The following IGFALS variants were observed in gnomAD, a reference collection of about 807,000 sequenced individuals.
IGFALS encodes insulin-like growth factor-binding protein complex acid labile subunit.
IGFALS carries 2 observed loss-of-function variants against 2.6 expected under a neutral mutation model. The observed-to-expected ratio is 0.77, with a 90% CI of 0.32 to 2.44. IGFALS has a LOEUF of 2.44. Ranked by LOEUF, IGFALS falls within the 30% of genes most tolerant of loss-of-function variation. IGFALS has a pLI of 0.11. For synonymous variants in IGFALS, 519 were observed against 431.9 expected, an observed-to-expected ratio of 1.20 and a Z score of -2.50; for missense variants, 996 against 848.7, an observed-to-expected ratio of 1.17 and a Z score of -2.16.
In IGFALS at chr16:1,790,421, G is replaced by A. The variant is rs555946051; in HGVS notation, c.*179C>T. On this transcript the variant is annotated 3_prime_UTR_variant, in exon 2 of 2. Transcript: ENST00000215539. ...GTCACCCACTGTGCCTGTTAGATTC[G>A]ATTGCCTTTGCCTTTAATTGATGAC... The A allele has an allele frequency of 4.8e-5, 32 of 666,458 alleles. No individual in the cohort carries two copies. Among genetic ancestry groups the A allele is most frequent in the African/African-American group, 4.6e-4 (26 of 56,392 alleles). 41.3% of individuals were successfully genotyped at this position (666,458 alleles called of 1,614,324 possible). A position where few individuals can be genotyped will look rare whatever the true frequency, so the allele number is the denominator to read the frequency against.
chr16:1,791,809 G>A lies in IGFALS; in HGVS notation c.609C>T (p.Gly203=), dbSNP rs1035342433. The A allele has an allele frequency of 3.9e-6, 6 of 1,548,908 alleles. No homozygotes were observed. The highest frequency in any genetic ancestry group is 2.4e-5 in the East Asian group (1 of 41,162). ...CGGGCTGCAGGTAGGCCAGCCTGTT[G>A]CCCGCCAGCACCAGCTCGCGCAGGC... ...LGSLRELVLA[G]NRLAYLQPAL... Residue 203 remains glycine (G), a synonymous_variant, in exon 2 of 2, where the codon GGC becomes GGT. Transcript: ENST00000215539.
At position 1,791,557 on chromosome 16, in the gene IGFALS, G is replaced by A. The variant is rs750405773; in HGVS notation, c.861C>T (p.Pro287=). ...GCAGCACACGCAGGCCCAGCAGACC[G>A]GGGAACGTGTCCTCCAGGAGGCCAG... is the stretch of plus-strand genomic sequence containing the variant. ...RVAGLLEDTF[P]GLLGLRVLRL... The change falls in exon 2 of 2, where the codon CCC becomes CCT. Residue 287 remains proline, a synonymous_variant. Coordinates refer to ENST00000215539, the MANE Select transcript of IGFALS (RefSeq NM_004970.3). 86 of 1,570,854 alleles carry A rather than the reference G, an allele frequency of 5.5e-5. 3 individuals carry two copies. The South Asian group carries it at 5.7e-4, about 10-fold the overall frequency.
upstream of IGFALS, chr16:1,794,794 CCA>C (rs753411042): frequency 3.2e-4 from 227 of 699,292 alleles, 3 homozygotes; most frequent in South Asian, 3.0e-3. Context: ...CTCGGGGAGA[CCA>C]CAGTTTTCCA....
Position 1,790,743 on chromosome 16 carries a change from G to A in IGFALS, c.1675C>T (p.Pro559Ser), listed in dbSNP as rs1220455477. 2 of 1,604,000 alleles carry A rather than the reference G, an allele frequency of 1.2e-6. No homozygotes were observed. Among genetic ancestry groups the A allele is most frequent in the South Asian group, 1.1e-5 (1 of 89,408 alleles). Residue 559 changes from proline (P) to serine (S), a missense_variant, in exon 2 of 2, where the codon CCC (proline) becomes TCC (serine). Coordinates refer to ENST00000215539, the MANE Select transcript of IGFALS (RefSeq NM_004970.3). The stretch of plus-strand genomic sequence containing the variant: ...TCACAGATGGCCTGGACGAAGCGGG[G>A]CACAGCACTGGGGTTCTGCAGGGCG... ...DFALQNPSAV[P>S]RFVQAICEGD... is the part of the protein sequence containing the mutation.
rs748812818 is a variant in IGFALS at position 1,792,116 on chromosome 16, C to T, written c.302G>A (p.Gly101Asp). ...PAAFQNLSSL[G>D]FLNLQGGQLG... ...CTGGCCGCCCTGCAGGTTGAGGAAG[C>T]CCAGGCTGGAGAGGTTCTGGAAGGC... is the stretch of plus-strand genomic sequence containing the variant. The change falls in exon 2 of 2, where the codon GGC becomes GAC. Residue 101 changes from glycine to aspartate, a missense_variant. Physicochemically the swap from Gly to Asp is moderately conservative, Grantham distance 94. Transcript: ENST00000215539. The T allele has an allele frequency of 1.2e-6, 2 of 1,611,120 alleles. No homozygotes were observed. Among genetic ancestry groups the T allele is most frequent in the Non-Finnish European group, 1.7e-6 (2 of 1,179,556 alleles).
chr16:1,792,435 G>T, intron 1 of IGFALS, 34 bp from the exon 2 acceptor site: 1 of 1,514,544 alleles, frequency 6.6e-7, no homozygotes. Flanking sequence ...GGCGGCCCGA[G>T]GAGGGCTCTG....
chr16:1,791,363 T>C lies in IGFALS; in HGVS notation c.1055A>G (p.Glu352Gly), dbSNP rs1379772380. The change falls in exon 2 of 2, where the codon GAG (glutamate) becomes GGG (glycine). Residue 352 changes from glutamate to glycine, a missense_variant. Glu to Gly is a moderately conservative substitution (Grantham distance 98). Coordinates refer to ENST00000215539, the MANE Select transcript of IGFALS (RefSeq NM_004970.3). ...GCCGAGGAAAGCGCCCGCCTTGACCTCCTGGAGCTGGTTGTGGTCTAGCGT... is the reference window on the plus strand; with the variant it reads ...GCCGAGGAAAGCGCCCGCCTTGACCCCCTGGAGCTGGTTGTGGTCTAGCGT... Reference protein sequence around the residue: ...VLTLDHNQLQEVKAGAFLGLT... With the variant: ...VLTLDHNQLQGVKAGAFLGLT... 1 of 1,609,026 alleles carries C rather than the reference T, an allele frequency of 6.2e-7. No individual in the cohort carries two copies. Among genetic ancestry groups the C allele is most frequent in the South Asian group, 1.1e-5 (1 of 91,086 alleles).
Position 1,792,248 on chromosome 16 carries a change from C to G in IGFALS, c.170G>C (p.Ser57Thr). The G allele has an allele frequency of 6.2e-7, 1 of 1,603,546 alleles. No individual in the cohort carries two copies. The highest frequency in any genetic ancestry group is 8.5e-7 in the Non-Finnish European group (1 of 1,179,732). Residue 57 changes from serine (S) to threonine (T), a missense_variant, in exon 2 of 2, where the codon AGC becomes ACC. By Grantham distance (58) the Ser-to-Thr change is moderately conservative. Transcript: ENST00000215539. The stretch of plus-strand genomic sequence containing the variant: ...GAGGTTCCTGGAGCTGCAGAAGACG[C>G]TGAGCTCATCCGCGTCGTCATCGTA... ...CSYDDDADEL[S>T]VFCSSRNLTR...
In IGFALS at chr16:1,791,064, G is replaced by A. The variant is rs551584413; in HGVS notation, c.1354C>T (p.Arg452Cys). ...AGCTTGCCCAGGCCCTGGAAGAGGC[G>A]GTGGGGCAGGTGCGTGAGCTGGTTG... Reference protein sequence around the residue: ...TSNQLTHLPHRLFQGLGKLEY... With the variant: ...TSNQLTHLPHCLFQGLGKLEY... Residue 452 changes from arginine to cysteine, a missense_variant, in exon 2 of 2, where the codon CGC (arginine) becomes TGC (cysteine). Arg to Cys is a radical substitution (Grantham distance 180). Transcript: ENST00000215539. 17 of 1,598,830 alleles carry A rather than the reference G, an allele frequency of 1.1e-5. No homozygotes were observed. Among genetic ancestry groups the A allele is most frequent in the South Asian group, 5.5e-5 (5 of 91,066 alleles).
At position 1,793,621 on chromosome 16, in the gene IGFALS, C is replaced by T. The variant is rs766427167; in HGVS notation, c.16+16G>A. 3 of 1,593,078 alleles carry T rather than the reference C, an allele frequency of 1.9e-6. No individual in the cohort carries two copies. Among genetic ancestry groups the T allele is most frequent in the Admixed American group, 1.7e-5 (1 of 58,284 alleles). On this transcript the variant is annotated intron_variant, in intron 1 of 1. Coordinates refer to ENST00000215539, the MANE Select transcript of IGFALS (RefSeq NM_004970.3). ...GCCACCCCTAGAGTGGGTGGCGGGG[C>T]ACTCGGGGGCCTCACCTTTCCTCAG...
rs773378737 is a variant in IGFALS, at chr16:1,792,266, T to C, written c.152A>G (p.Asp51Gly). ...GAAGACGCTGAGCTCATCCGCGTCGTCATCGTAGCTGCAGACACAGGCGGC... is the reference window on the plus strand; with the variant it reads ...GAAGACGCTGAGCTCATCCGCGTCGCCATCGTAGCTGCAGACACAGGCGGC... ...CPAACVCSYD[D>G]DADELSVFCS... is the part of the protein sequence containing the mutation. The change falls in exon 2 of 2, where the codon GAC becomes GGC. Residue 51 changes from aspartate (D) to glycine (G), a missense_variant. By Grantham distance (94) the Asp-to-Gly change is moderately conservative. Transcript: ENST00000215539. 2.5e-6 allele frequency: 4 copies of C among 1,601,000 alleles called. No homozygotes were observed. Among genetic ancestry groups the C allele is most frequent in the East Asian group, 4.5e-5 (2 of 44,862 alleles).
In IGFALS at chr16:1,790,623, C is replaced by T. The variant is rs771980337; in HGVS notation, c.1795G>A (p.Glu599Lys). ...VVGLDLRDLS[E>K]AHFAPC ...GGTCAGCAGGGAGCAAAGTGGGCCTCGCTGAGGTCCCGCAGGTCGAGCCCC... is the reference window on the plus strand; with the variant it reads ...GGTCAGCAGGGAGCAAAGTGGGCCTTGCTGAGGTCCCGCAGGTCGAGCCCC... The change falls in exon 2 of 2, where the codon GAG (glutamate) becomes AAG (lysine). Residue 599 changes from glutamate (E) to lysine (K), a missense_variant. Glu to Lys is a moderately conservative substitution (Grantham distance 56). Coordinates refer to ENST00000215539, the MANE Select transcript of IGFALS (RefSeq NM_004970.3). 3.2e-5 allele frequency: 51 copies of T among 1,573,294 alleles called. No homozygotes were observed. Among genetic ancestry groups the T allele is most frequent in the East Asian group, 1.9e-4 (8 of 42,500 alleles).
chr16:1,791,790 G>T lies in IGFALS; in HGVS notation c.628C>A (p.Gln210Lys), dbSNP rs1897233860. The change falls in exon 2 of 2, where the codon CAG becomes AAG. Residue 210 changes from glutamine (Q) to lysine (K), a missense_variant. Coordinates refer to ENST00000215539, the MANE Select transcript of IGFALS (RefSeq NM_004970.3). ...GCCAGGCCGCTGAAGAGCGCGGGCT[G>T]CAGGTAGGCCAGCCTGTTGCCCGCC... ...VLAGNRLAYL[Q>K]PALFSGLAEL... 6.5e-7 allele frequency: 1 copy of T among 1,548,958 alleles called. No individual in the cohort carries two copies. Among genetic ancestry groups the T allele is most frequent in the Non-Finnish European group, 8.7e-7 (1 of 1,150,176 alleles).
At position 1,790,776 on chromosome 16, in the gene IGFALS, G is replaced by A. The variant is rs9282731; in HGVS notation, c.1642C>T (p.Arg548Trp). ...CTGGGGTTCTGCAGGGCGAAGTCCC[G>A]CAGCGCCTTGAGAGGGCAGCCACAG... ...WDCGCPLKAL[R>W]DFALQNPSAV... The change falls in exon 2 of 2, where the codon CGG (arginine) becomes TGG (tryptophan). Residue 548 changes from arginine to tryptophan, a missense_variant. Arg to Trp is a moderately radical substitution (Grantham distance 101). Coordinates refer to ENST00000215539, the MANE Select transcript of IGFALS (RefSeq NM_004970.3). 0.019 allele frequency: 29,429 copies of A among 1,583,154 alleles called. 2,959 individuals are homozygous for A. In the African/African-American group the frequency reaches 0.26, roughly 14 times the overall value.
At chr16:1,793,160 G>T (rs1567242771) in intron 1 of IGFALS, among the ~76,000 whole-genome samples, 1 of 152,096 alleles carries the variant, frequency 6.6e-6, no homozygotes, top group African/African-American at 2.4e-5. Flanking sequence ...GCGAGGTGGG[G>T]CCCCCCCGAC....
chr16:1,794,688 C>G, upstream of IGFALS: 1 of 608,020 alleles, frequency 1.6e-6, no homozygotes, highest in Admixed American at 2.8e-5. Context: ...AGGCCCCTCC[C>G]CTGGCTGTCA....
chr16:1,793,554 G>A, intron 1 of IGFALS, 83 bp downstream of exon 1: 2 of 1,380,128 alleles, frequency 1.4e-6, no homozygotes, highest in South Asian at 2.6e-5. Flanking sequence ...TTCCTTGGGG[G>A]CTACCCCGGC....
intron 1 of IGFALS, among the ~76,000 whole-genome samples, chr16:1,793,110 C>A (rs920803727): frequency 1.3e-5 from 2 of 152,242 alleles, no homozygotes; most frequent in Admixed American, 6.5e-5. Context: ...ATGGCCCCCC[C>A]ATCCTCAGAG....
upstream of IGFALS, among the ~76,000 whole-genome samples, chr16:1,794,278 CA>C (rs2142014330): frequency 6.6e-6 from 1 of 152,312 alleles, no homozygotes; most frequent in African/African-American, 2.4e-5. Context: ...CCCGTGACCC[CA>C]GGGGCGCTGG....
Sources: gnomAD v4.1 joint callset for allele counts (sites outside exome capture counted in the v4.1 genomes callset) on GRCh38, gnomAD v4.1.1 for gene constraint, MANE v1.5 for transcripts, NCBI Gene and HGNC (gene_info 2026-07-23, HGNC 2026-07-21) for gene names.